Variants in DHX29 observed in about 807,000 individuals in gnomAD.
DHX29 encodes DExH-box helicase 29.
Under a neutral mutation model 167.9 loss-of-function variants are expected in DHX29, and 79 were observed. The ratio of observed to expected loss-of-function variants is 0.47; its 90% CI spans 0.39 to 0.57. The LOEUF is 0.57. Ranked by LOEUF, DHX29 falls within the 20% of genes least tolerant of loss-of-function variation. The pLI is 0.00. For missense variants in DHX29, 1,347 were observed against 1,593.4 expected (o/e 0.85, Z 2.63); for synonymous variants, 530 against 546.0 (o/e 0.97, Z 0.41).
chr5:55,272,460 C>A (rs1401882774), intron 17 of DHX29, among the ~76,000 whole-genome samples: 3 of 152,044 alleles, frequency 2.0e-5, no homozygotes, highest in Admixed American at 6.6e-5. Context: ...GGGCTGGGTG[C>A]GGTGGCTCAC....
intron 3 of DHX29, among the ~76,000 whole-genome samples, chr5:55,297,073 G>A (rs1748361798): frequency 6.6e-6 from 1 of 152,096 alleles, no homozygotes; most frequent in Non-Finnish European, 1.5e-5. Context: ...ATATAATTCT[G>A]GGGATATACC....
chr5:55,292,179 CATTT>C (rs1218616554), intron 6 of DHX29, among the ~76,000 whole-genome samples: 4 of 152,192 alleles, frequency 2.6e-5, no homozygotes, highest in African/African-American at 9.6e-5. Context: ...TCCCTGTCAA[CATTT>C]ATTATTTCCA....
At chr5:55,295,328 T>A in intron 5 of DHX29, 51 bp downstream of exon 5, 1 of 1,356,894 alleles carries the variant, frequency 7.4e-7, no homozygotes, top group Admixed American at 1.7e-5. Context: ...AACTGTTACA[T>A]GTGCTCCATT....
intron 24 of DHX29, 125 bp downstream of exon 24, chr5:55,262,505 T>C: frequency 7.9e-7 from 1 of 1,261,752 alleles, no homozygotes; most frequent in South Asian, 1.5e-5. Context: ...TGATTTCAAA[T>C]ATTAACAAAA....
intron 12 of DHX29, among the ~76,000 whole-genome samples, chr5:55,279,085 G>A (rs559381423): frequency 7.9e-5 from 12 of 152,290 alleles, no homozygotes; most frequent in Admixed American, 7.2e-4. Context: ...AATAAAGCAG[G>A]AAGTTTAATT....
At chr5:55,296,418 T>A in intron 3 of DHX29, 69 bp from the exon 4 acceptor site, 1 of 1,474,166 alleles carries the variant, frequency 6.8e-7, no homozygotes, top group Non-Finnish European at 9.0e-7. Context: ...AATTATCCCA[T>A]TCATTTTAAA....
chr5:55,283,477 T>C lies in DHX29; in HGVS notation c.1691A>G (p.Lys564Arg). The change falls in exon 11 of 27, where the codon AAA (lysine) becomes AGA (arginine). Residue 564 changes from lysine (K) to arginine (R), a missense_variant. Coordinates refer to ENST00000251636, the MANE Select transcript of DHX29 (RefSeq NM_019030.4). ...RKLQSTPKYQ[K>R]LLKERQQLPV... ...TAGCTGTTGTCTTTCCTTTAGAAGT[T>C]TCTGATACTTAGGTGTGCTTTGCAA... is the stretch of plus-strand genomic sequence containing the variant. 6.2e-7 allele frequency: 1 copy of C among 1,614,220 alleles called. No homozygotes were observed. The highest frequency in any genetic ancestry group is 8.5e-7 in the Non-Finnish European group (1 of 1,180,036).
intron 25 of DHX29, 146 bp from the exon 26 acceptor site, chr5:55,260,090 T>G: frequency 6.1e-6 from 3 of 494,244 alleles, no homozygotes; most frequent in Non-Finnish European, 1.1e-5. Flanking sequence ...ACAAATTATT[T>G]CTGCTAGCTA....
intron 21 of DHX29, among the ~76,000 whole-genome samples, chr5:55,268,073 T>C (rs1010586573): frequency 6.6e-6 from 1 of 152,146 alleles, no homozygotes; most frequent in Non-Finnish European, 1.5e-5. Context: ...AAATAAATCC[T>C]TTTATAACCT....
At position 55,289,445 on chromosome 5, in the gene DHX29, A is replaced by G. The variant is rs1747921964; in HGVS notation, c.908-17T>C. 2 of 1,513,704 alleles carry G rather than the reference A, an allele frequency of 1.3e-6. No individual in the cohort carries two copies. The highest frequency in any genetic ancestry group is 1.8e-6 in the Non-Finnish European group (2 of 1,141,552). 93.8% of individuals were successfully genotyped at this position (1,513,704 alleles called of 1,614,324 possible). On this transcript the variant is annotated splice_polypyrimidine_tract_variant and intron_variant, in intron 7 of 26. Transcript: ENST00000251636. ...TTTCCATTTCTACCAAGAAAAAAATATAATGTTTAGTTTCATGGTTTTAAA... is the reference window on the plus strand; with the variant it reads ...TTTCCATTTCTACCAAGAAAAAAATGTAATGTTTAGTTTCATGGTTTTAAA...
intron 8 of DHX29, among the ~76,000 whole-genome samples, chr5:55,287,824 C>T (rs1747817128): frequency 6.6e-6 from 1 of 151,670 alleles, no homozygotes; most frequent in Admixed American, 6.6e-5. Context: ...TGGCACACGC[C>T]TGTAATCCCA....
At chr5:55,304,944 TAA>T (rs1748789027) in intron 1 of DHX29, among the ~76,000 whole-genome samples, 1 of 152,232 alleles carries the variant, frequency 6.6e-6, no homozygotes, top group East Asian at 1.9e-4. Flanking sequence ...AAAAGCACCC[TAA>T]AATAAACCCA....
chr5:55,257,720 T>A (rs1746119471), intron 26 of DHX29, among the ~76,000 whole-genome samples: 1 of 152,220 alleles, frequency 6.6e-6, no homozygotes, highest in African/African-American at 2.4e-5. Flanking sequence ...AGCACTAACA[T>A]ACTTCTTCCT....
chr5:55,270,853 T>C (rs1001436010), intron 18 of DHX29, 147 bp from the exon 19 acceptor site: 9 of 614,826 alleles, frequency 1.5e-5, no homozygotes, highest in Admixed American at 6.3e-5. Flanking sequence ...ATGCTTCATA[T>C]TTAAATAATT....
intron 1 of DHX29, among the ~76,000 whole-genome samples, chr5:55,303,618 A>G (rs1339477171): frequency 6.6e-6 from 1 of 152,200 alleles, no homozygotes; most frequent in East Asian, 1.9e-4. Flanking sequence ...GCTCCTTCCC[A>G]GACTTCCAGC....
At position 55,269,641 on chromosome 5, in the gene DHX29, C is replaced by T; in HGVS notation, c.3070-4G>A. On this transcript the variant is annotated splice_region_variant and splice_polypyrimidine_tract_variant and intron_variant, in intron 20 of 26. Transcript: ENST00000251636. ...CAGGAGAACCAAGATTACATTTCTG[C>T]AGATTAAAAAAGCAATAAAATTGGT... 1 of 1,608,740 alleles carries T rather than the reference C, an allele frequency of 6.2e-7. No individual in the cohort carries two copies. Among genetic ancestry groups the T allele is most frequent in the African/African-American group, 1.3e-5 (1 of 74,760 alleles).
chr5:55,280,278 G>A (rs1489750324), intron 12 of DHX29, among the ~76,000 whole-genome samples: 1 of 152,086 alleles, frequency 6.6e-6, no homozygotes, highest in Non-Finnish European at 1.5e-5. Context: ...AACCATGAAA[G>A]AACACAACTT....
Position 55,281,467 on chromosome 5 carries a change from A to C in DHX29, c.2014T>G (p.Ser672Ala), listed in dbSNP as rs1278600465. ...QIRMESRACE[S>A]TRLLYCTTGV... ...GTTGTACAATAGAGTAACCTGGTAG[A>C]TTCACAAGCTCGAGATTCCATCCGG... Residue 672 changes from serine to alanine, a missense_variant, in exon 12 of 27, where the codon TCT becomes GCT. By Grantham distance (99) the Ser-to-Ala change is moderately conservative (BLOSUM62 1). Coordinates refer to ENST00000251636, the MANE Select transcript of DHX29 (RefSeq NM_019030.4). 1 of 1,597,218 alleles carries C rather than the reference A, an allele frequency of 6.3e-7. No individual in the cohort carries two copies. The highest frequency in any genetic ancestry group is 1.1e-5 in the South Asian group (1 of 88,282).
At chr5:55,276,621 T>TTA (rs1194272290) in intron 13 of DHX29, among the ~76,000 whole-genome samples, 2 of 152,144 alleles carry the variant, frequency 1.3e-5, no homozygotes, top group African/African-American at 4.8e-5. Context: ...TGAGATATAT[T>TTA]TATATATACA....
Sources: gnomAD v4.1 joint callset for allele counts (sites outside exome capture counted in the v4.1 genomes callset) on GRCh38, gnomAD v4.1.1 for gene constraint, MANE v1.5 for transcripts, NCBI Gene and HGNC (gene_info 2026-07-23, HGNC 2026-07-21) for gene names.